ARAP2: variants seen among roughly 807,000 people sequenced by gnomAD.
The protein encoded by ARAP2 is arf-GAP with Rho-GAP domain, ANK repeat and PH domain-containing protein 2.
ARAP2 carries 148 observed loss-of-function variants against 194.5 expected under a neutral mutation model. That is an observed-to-expected ratio of 0.76 (90% CI 0.67 to 0.87). The LOEUF (loss-of-function observed/expected upper bound fraction) is 0.87. Among genes scored for constraint, ARAP2 ranks in the 40% least tolerant of loss-of-function variants. The probability of loss-of-function intolerance (pLI) is 0.00; values close to 1 mark genes in which losing one functional copy is unlikely to be tolerated. For missense variants in ARAP2, 2,128 were observed against 1,989.7 expected (o/e 1.07, Z -1.32); for synonymous variants, 695 against 683.5 (o/e 1.02, Z -0.26).
At chr4:36,079,269 T>C (rs768016110) in intron 31 of ARAP2, among the ~76,000 whole-genome samples, 5 of 151,934 alleles carry the variant, frequency 3.3e-5, no homozygotes, top group Non-Finnish European at 7.4e-5. Flanking sequence ...GCCAGTCTCT[T>C]GTGCACATGT....
At chr4:36,052,564 C>T (rs189448467) in intron 2 of ARAP2, among the ~76,000 whole-genome samples, 3 of 152,310 alleles carry the variant, frequency 2.0e-5, no homozygotes, top group Admixed American at 6.5e-5. Flanking sequence ...ACTTCTAATG[C>T]TGCGTTATTT....
intron 27 of ARAP2, among the ~76,000 whole-genome samples, chr4:36,107,023 T>C (rs1456044574): frequency 6.6e-6 from 1 of 152,000 alleles, no homozygotes; most frequent in African/African-American, 2.4e-5. Context: ...TGGTCTTATA[T>C]AGTTCACTGT....
At chr4:36,081,562 G>T (rs1449993039) in intron 30 of ARAP2, among the ~76,000 whole-genome samples, 1 of 152,146 alleles carries the variant, frequency 6.6e-6, no homozygotes, top group African/African-American at 2.4e-5. Context: ...ATAGGTGAAA[G>T]AATTCACAGA....
chr4:36,085,821 T>C (rs1327890096), intron 28 of ARAP2, among the ~76,000 whole-genome samples: 1 of 152,130 alleles, frequency 6.6e-6, no homozygotes, highest in Non-Finnish European at 1.5e-5. Context: ...GAGAAGTCTA[T>C]AGTTTTCTTC....
chr4:36,037,369 G>A (rs1350625862), intron 5 of ARAP2, among the ~76,000 whole-genome samples: 1 of 152,068 alleles, frequency 6.6e-6, no homozygotes, highest in Non-Finnish European at 1.5e-5. Flanking sequence ...CCTGTACTTT[G>A]GGGATGTGAT....
intron 27 of ARAP2, among the ~76,000 whole-genome samples, chr4:36,106,100 T>C (rs1246242253): frequency 6.6e-6 from 1 of 151,894 alleles, no homozygotes; most frequent in Non-Finnish European, 1.5e-5. Flanking sequence ...AATCTCCAAG[T>C]TGTGACAGTC....
At chr4:36,071,221 G>A (rs2109308752) in intron 32 of ARAP2, among the ~76,000 whole-genome samples, 1 of 152,208 alleles carries the variant, frequency 6.6e-6, no homozygotes, top group African/African-American at 2.4e-5. Context: ...TTCTAATAAA[G>A]TTTCATGTAT....
At chr4:36,092,096 A>C in intron 27 of ARAP2, 76 bp from the exon 28 acceptor site, 1 of 1,404,082 alleles carries the variant, frequency 7.1e-7, no homozygotes, top group East Asian at 2.4e-5. Context: ...ACATTTCTAT[A>C]TTGTCATATA....
chr4:36,119,889 G>T (rs1722281024), intron 23 of ARAP2, among the ~76,000 whole-genome samples, 171 bp from the exon 24 acceptor site: 1 of 151,426 alleles, frequency 6.6e-6, no homozygotes, highest in Non-Finnish European at 1.5e-5. Context: ...AAGCCAACAA[G>T]ATAGAGTATC....
chr4:36,139,824 C>CAAAT lies in ARAP2; in HGVS notation c.3264-6439_3264-6436dup, dbSNP rs1274913016. Among the ~76,000 whole-genome samples the CAAAT allele has an allele frequency of 9.9e-5, 15 of 151,546 alleles. No individual in the cohort carries two copies. The South Asian group carries it at 2.9e-3, about 29-fold the overall frequency. The stretch of plus-strand genomic sequence containing the variant: ...CTTATTTGGAAGCATGTTTAACTTC[C>CAAAT]AAATACTCAGGAATTACTCTGCAAT... On this transcript the variant is annotated intron_variant, in intron 19 of 32. Transcript: ENST00000303965.
intron 3 of ARAP2, 73 bp from the exon 4 acceptor site, chr4:36,213,392 A>G (rs1335602622): frequency 6.8e-6 from 8 of 1,173,742 alleles, no homozygotes; most frequent in Non-Finnish European, 1.0e-5. Flanking sequence ...AAAAAGATTA[A>G]AAGCATGAGT....
intron 9 of ARAP2, among the ~76,000 whole-genome samples, chr4:36,170,551 A>G (rs1204047974): frequency 2.6e-5 from 4 of 152,256 alleles, no homozygotes; most frequent in Non-Finnish European, 5.9e-5. Flanking sequence ...CCAGAACAGG[A>G]TGACACATTG....
At chr4:36,129,438 C>T (rs59237912) in intron 20 of ARAP2, among the ~76,000 whole-genome samples, 45,744 of 151,722 alleles carry the variant, frequency 0.3, 8,161 homozygotes, top group East Asian at 0.47. Context: ...CTGCCCAATC[C>T]CCATTCTGTT....
chr4:36,010,792 A>G (rs1416367140), intron 9 of ARAP2, among the ~76,000 whole-genome samples: 1 of 152,024 alleles, frequency 6.6e-6, no homozygotes, highest in African/African-American at 2.4e-5. Context: ...GACTTGCGGG[A>G]TATATGGTAA....
At chr4:36,184,157 T>C (rs918176477) in intron 8 of ARAP2, among the ~76,000 whole-genome samples, 1 of 151,988 alleles carries the variant, frequency 6.6e-6, no homozygotes, top group Non-Finnish European at 1.5e-5. Context: ...ATCAAGTGTA[T>C]TAAGTTTACA....
At position 36,128,505 on chromosome 4, in the gene ARAP2, T is replaced by A. The variant is rs5009416; in HGVS notation, c.3640+28A>T. The A allele has an allele frequency of 3.7e-5, 46 of 1,227,812 alleles. 1 individual carries two copies. Among genetic ancestry groups the A allele is most frequent in the South Asian group, 4.9e-5 (4 of 81,016 alleles). 76.1% of individuals were successfully genotyped at this position (1,227,812 alleles called of 1,614,324 possible). A position where few individuals can be genotyped will look rare whatever the true frequency, so the allele number is the denominator to read the frequency against. Reference sequence around the variant, plus strand: ...ACACACACACACACACACACACACATATCTACAAATATCTGTATAAATATT... The same window carrying A: ...ACACACACACACACACACACACACAAATCTACAAATATCTGTATAAATATT... On this transcript the variant is annotated intron_variant, in intron 21 of 32. Transcript: ENST00000303965.
At chr4:36,051,678 G>C (rs1178052670) in intron 3 of ARAP2, among the ~76,000 whole-genome samples, 2 of 151,886 alleles carry the variant, frequency 1.3e-5, no homozygotes, top group Non-Finnish European at 2.9e-5. Flanking sequence ...ATCCTTTCTT[G>C]CATACTCTTT....
At chr4:36,175,348 A>G (rs186472558) in intron 9 of ARAP2, among the ~76,000 whole-genome samples, 129 of 152,300 alleles carry the variant, frequency 8.5e-4, no homozygotes, top group South Asian at 1.9e-3. Context: ...GAGGAGGAAG[A>G]CCCTTTACTC....
intron 8 of ARAP2, among the ~76,000 whole-genome samples, chr4:36,014,286 A>C (rs1399643153): frequency 7.0e-6 from 1 of 142,558 alleles, no homozygotes; most frequent in Non-Finnish European, 1.5e-5. Context: ...AGAAAGAAAG[A>C]AAGAAAGAAA....
Sources: allele counts gnomAD v4.1 joint callset (sites outside exome capture counted in the v4.1 genomes callset), GRCh38; gene constraint gnomAD v4.1.1; transcripts MANE v1.5; gene names NCBI Gene and HGNC (gene_info 2026-07-23, HGNC 2026-07-21).